Variants in NTRK2 observed in about 807,000 individuals in gnomAD.
NTRK2 encodes BDNF/NT-3 growth factors receptor.
NTRK2 carries 13 observed loss-of-function variants against 94.5 expected under a neutral mutation model. The observed-to-expected ratio is 0.14, with a 90% CI of 0.09 to 0.22. The LOEUF is 0.22. Ranked by LOEUF, NTRK2 falls within the 10% of genes least tolerant of loss-of-function variation. The pLI is 1.00. For missense variants in NTRK2, 639 were observed against 1,071.2 expected (o/e 0.60, Z 5.63); for synonymous variants, 372 against 407.4 (o/e 0.91, Z 1.05).
intron 12 of NTRK2, among the ~76,000 whole-genome samples, chr9:84,755,944 A>G (rs989509990): frequency 3.3e-5 from 5 of 151,846 alleles, no homozygotes; most frequent in African/African-American, 1.2e-4. Flanking sequence ...TTCCTTGTTT[A>G]TTTCTGTGCC....
At chr9:85,019,898 A>G (rs1033124583) in intron 17 of NTRK2, among the ~76,000 whole-genome samples, 9 of 152,170 alleles carry the variant, frequency 5.9e-5, no homozygotes, top group Non-Finnish European at 1.0e-4. Flanking sequence ...TCCTCTTAGC[A>G]GAAAGTGTGT....
chr9:84,722,700 G>T (rs142055255), intron 6 of NTRK2, among the ~76,000 whole-genome samples: 7 of 152,172 alleles, frequency 4.6e-5, no homozygotes, highest in African/African-American at 1.7e-4. Context: ...GTTTAAAGCA[G>T]TGTCCACACT....
At chr9:84,999,356 A>C (rs765062471) in intron 17 of NTRK2, among the ~76,000 whole-genome samples, 10 of 152,206 alleles carry the variant, frequency 6.6e-5, no homozygotes, top group Non-Finnish European at 1.3e-4. Flanking sequence ...TTAAGTCTTT[A>C]AAAGAGAACT....
At chr9:84,943,329 T>C (rs996559269) in intron 15 of NTRK2, among the ~76,000 whole-genome samples, 1 of 152,232 alleles carries the variant, frequency 6.6e-6, no homozygotes, top group Non-Finnish European at 1.5e-5. Context: ...TGCTGAAGCA[T>C]TTCATATGAA....
chr9:84,803,708 G>A (rs1210440699), intron 12 of NTRK2, among the ~76,000 whole-genome samples: 1 of 152,190 alleles, frequency 6.6e-6, no homozygotes, highest in African/African-American at 2.4e-5. Flanking sequence ...ACGGAACCCA[G>A]GCCTTGCATT....
At chr9:84,911,271 T>C (rs1195560036) in intron 14 of NTRK2, among the ~76,000 whole-genome samples, 1 of 152,192 alleles carries the variant, frequency 6.6e-6, no homozygotes, top group African/African-American at 2.4e-5. Flanking sequence ...TTATGTTTTC[T>C]AATATCAAGA....
chr9:85,019,935 A>C (rs997918721), intron 17 of NTRK2, among the ~76,000 whole-genome samples: 4 of 152,340 alleles, frequency 2.6e-5, no homozygotes, highest in East Asian at 1.9e-4. Flanking sequence ...TTATTTATCC[A>C]AGGTGATCAT....
At chr9:84,996,989 CAG>C (rs1829828573) in intron 17 of NTRK2, among the ~76,000 whole-genome samples, 1 of 152,152 alleles carries the variant, frequency 6.6e-6, no homozygotes, top group Non-Finnish European at 1.5e-5. Flanking sequence ...GGCCCGTATG[CAG>C]AGTCACCTGG....
chr9:85,016,566 T>A (rs1234566519), intron 17 of NTRK2, among the ~76,000 whole-genome samples: 1 of 152,174 alleles, frequency 6.6e-6, no homozygotes, highest in Non-Finnish European at 1.5e-5. Flanking sequence ...AAATGTCTCA[T>A]TGTGTTTGTT....
At chr9:85,004,965 A>G (rs1460895537) in intron 17 of NTRK2, among the ~76,000 whole-genome samples, 1 of 152,202 alleles carries the variant, frequency 6.6e-6, no homozygotes, top group African/African-American at 2.4e-5. Context: ...ATGACTAAGC[A>G]TCCTAGAGAT....
At position 85,021,420 on chromosome 9, in the gene NTRK2, C is replaced by A. The variant is rs1832771354; in HGVS notation, c.2500C>A (p.Leu834Met). 1 of 1,614,064 alleles carries A rather than the reference C, an allele frequency of 6.2e-7. No homozygotes were observed. Among genetic ancestry groups the A allele is most frequent in the African/African-American group, 1.3e-5 (1 of 74,934 alleles). ...CTTGGCCAAGGCATCTCCGGTCTAC[C>A]TGGACATTCTAGGCTAGGGCCCTTT... ...QNLAKASPVY[L>M]DILG The change falls in exon 19 of 19, where the codon CTG becomes ATG. Residue 834 changes from leucine to methionine, a missense_variant. This residue lies in a region of NTRK2 where 77 missense variants were observed against 203.6 expected (regional missense o/e 0.38). Transcript: ENST00000277120.
chr9:84,843,536 T>C (rs1162803990), intron 12 of NTRK2, among the ~76,000 whole-genome samples: 6 of 152,178 alleles, frequency 3.9e-5, no homozygotes, highest in African/African-American at 1.4e-4. Flanking sequence ...CAGGGAAAGT[T>C]GCATTTTCCC....
intron 10 of NTRK2, among the ~76,000 whole-genome samples, chr9:84,743,437 G>C (rs1315215151): frequency 6.6e-6 from 1 of 151,888 alleles, no homozygotes; most frequent in Non-Finnish European, 1.5e-5. Context: ...TTTTAAGTTG[G>C]GGAATAATAT....
At chr9:84,675,637 C>T (rs931698732) in intron 2 of NTRK2, among the ~76,000 whole-genome samples, 1 of 151,704 alleles carries the variant, frequency 6.6e-6, no homozygotes, top group Non-Finnish European at 1.5e-5. Flanking sequence ...AAAGTTTTTA[C>T]TTGTTTGATG....
chr9:84,986,197 G>T (rs969904394), intron 17 of NTRK2, among the ~76,000 whole-genome samples: 1 of 152,002 alleles, frequency 6.6e-6, no homozygotes, highest in African/African-American at 2.4e-5. Flanking sequence ...CACTCCCGCT[G>T]CCCCCCGACC....
At chr9:84,690,741 A>T (rs2131542026) in intron 2 of NTRK2, among the ~76,000 whole-genome samples, 1 of 152,072 alleles carries the variant, frequency 6.6e-6, no homozygotes, top group African/African-American at 2.4e-5. Context: ...AAAAAAAATG[A>T]TAATTTATAT....
chr9:84,984,974 A>G (rs1214079740), intron 17 of NTRK2, among the ~76,000 whole-genome samples: 2 of 152,234 alleles, frequency 1.3e-5, no homozygotes, highest in African/African-American at 4.8e-5. Flanking sequence ...TGCTATTATT[A>G]TAGACTATGA....
chr9:84,784,611 T>C (rs959462388), intron 12 of NTRK2, among the ~76,000 whole-genome samples: 2 of 152,238 alleles, frequency 1.3e-5, no homozygotes, highest in South Asian at 4.1e-4. Context: ...ACATCGATTT[T>C]CTCTGTGCTT....
intron 17 of NTRK2, among the ~76,000 whole-genome samples, chr9:85,017,403 C>T (rs4877900): frequency 0.54 from 81,405 of 151,934 alleles, 22,050 homozygotes; most frequent in Middle Eastern, 0.58. Flanking sequence ...GGTAAGTGAG[C>T]GATTGGAAAC....
Sources: gnomAD v4.1 joint callset for allele counts (sites outside exome capture counted in the v4.1 genomes callset) on GRCh38, gnomAD v4.1.1 for gene constraint, gnomAD v4.1.1 regional missense constraint, MANE v1.5 for transcripts, NCBI Gene and HGNC (gene_info 2026-07-23, HGNC 2026-07-21) for gene names.